The following BICC1 variants were observed in gnomAD, a reference collection of about 807,000 sequenced individuals.
BICC1 encodes the protein protein bicaudal C homolog 1.
A neutral mutation model predicts 111.0 loss-of-function variants in BICC1; 43 were observed. That is an observed-to-expected ratio of 0.39 (90% CI 0.30 to 0.50). BICC1 has a LOEUF of 0.50. Among genes scored for constraint, BICC1 ranks in the 20% least tolerant of loss-of-function variants. BICC1 has a pLI of 0.88. For synonymous variants in BICC1, 467 were observed against 434.4 expected (o/e 1.07, Z -0.93); for missense variants, 1,091 against 1,203.2 (o/e 0.91, Z 1.38).
At chr10:58,814,437 G>A (rs1447435849) in intron 18 of BICC1, 3 of 334,012 alleles carry the variant, frequency 9.0e-6, no homozygotes, top group East Asian at 6.5e-5. Flanking sequence ...TGCATGAATG[G>A]GTAATGTACA....
chr10:58,614,302 A>G (rs1845530933), intron 1 of BICC1, among the ~76,000 whole-genome samples: 1 of 152,154 alleles, frequency 6.6e-6, no homozygotes, highest in Non-Finnish European at 1.5e-5. Context: ...GGAAGGGCTA[A>G]TGATTGGGAC....
rs138127393 is a variant in BICC1 at position 58,566,531 on chromosome 10, C to T, written c.190+53198C>T. On this transcript the variant is annotated intron_variant, in intron 1 of 20. Transcript: ENST00000373886. ...CTGGGTACATACCCAATAGTAGGAT[C>T]GCTGGATCAAATGGTAGTTCTACTT... Among the ~76,000 whole-genome samples the T allele has an allele frequency of 9.7e-4, 148 of 152,214 alleles. 2 individuals are homozygous for T. In the East Asian group the frequency reaches 0.021, roughly 22 times the overall value.
chr10:58,740,148 A>G (rs1841611961), intron 3 of BICC1, among the ~76,000 whole-genome samples: 1 of 152,198 alleles, frequency 6.6e-6, no homozygotes. Flanking sequence ...ACCTGCAGGA[A>G]GTGCCTGGAG....
At chr10:58,663,657 G>T (rs1053010479) in intron 2 of BICC1, among the ~76,000 whole-genome samples, 4 of 152,152 alleles carry the variant, frequency 2.6e-5, no homozygotes, top group Admixed American at 2.0e-4. Flanking sequence ...AGGGATCTAG[G>T]TTATGCACTC....
At chr10:58,650,377 T>C (rs1321993937) in intron 2 of BICC1, 1 of 152,180 alleles carries the variant, frequency 6.6e-6, no homozygotes, top group Non-Finnish European at 1.5e-5. Flanking sequence ...ACCAGAACTT[T>C]ATGGAATCTT....
intron 1 of BICC1, among the ~76,000 whole-genome samples, chr10:58,585,203 A>G (rs1462320446): frequency 6.6e-6 from 1 of 152,080 alleles, no homozygotes; most frequent in Admixed American, 6.5e-5. Flanking sequence ...TTTATTTTGA[A>G]AAGTTGTTTA....
At chr10:58,715,589 C>A (rs1275549943) in intron 3 of BICC1, 4 of 1,602,512 alleles carry the variant, frequency 2.5e-6, no homozygotes, top group Admixed American at 1.7e-5. Context: ...CCTATATGCA[C>A]CCAATAGCAA....
chr10:58,641,882 A>G (rs902734666), intron 2 of BICC1, among the ~76,000 whole-genome samples: 1 of 152,232 alleles, frequency 6.6e-6, no homozygotes, highest in Non-Finnish European at 1.5e-5. Flanking sequence ...TGTGATTCAC[A>G]TTGTGTTGGA....
chr10:58,573,639 C>T, intron 1 of BICC1, among the ~76,000 whole-genome samples: 1 of 152,134 alleles, frequency 6.6e-6, no homozygotes, highest in East Asian at 1.9e-4. Flanking sequence ...AATTCTGCCT[C>T]ACATGCAAAC....
At chr10:58,541,004 C>A (rs1300393696) in intron 1 of BICC1, among the ~76,000 whole-genome samples, 1 of 151,996 alleles carries the variant, frequency 6.6e-6, no homozygotes, top group Non-Finnish European at 1.5e-5. Context: ...AAGTCATACA[C>A]CCTTTCATGA....
intron 11 of BICC1, 136 bp from the exon 12 acceptor site, chr10:58,798,920 C>T (rs1427679031): frequency 1.1e-5 from 7 of 644,052 alleles, no homozygotes; most frequent in Admixed American, 3.0e-5. Flanking sequence ...TAAATAGTAC[C>T]TCTGTTTACA....
intron 1 of BICC1, among the ~76,000 whole-genome samples, chr10:58,596,585 C>T (rs186123562): frequency 1.3e-4 from 20 of 151,880 alleles, no homozygotes; most frequent in African/African-American, 4.3e-4. Flanking sequence ...AGAAATAAAG[C>T]GTATTCAAAT....
At chr10:58,753,947 T>G (rs1398059671) in intron 3 of BICC1, among the ~76,000 whole-genome samples, 1 of 152,180 alleles carries the variant, frequency 6.6e-6, no homozygotes, top group Non-Finnish European at 1.5e-5. Context: ...AGATGATATC[T>G]CTGCATACTC....
At chr10:58,738,363 GT>G (rs1438080951) in intron 3 of BICC1, among the ~76,000 whole-genome samples, 2 of 151,370 alleles carry the variant, frequency 1.3e-5, no homozygotes, top group Admixed American at 1.3e-4. Flanking sequence ...CCCATTTCTT[GT>G]TTTTGTCAGA....
At chr10:58,537,823 A>C (rs1383269186) in intron 1 of BICC1, among the ~76,000 whole-genome samples, 1 of 151,848 alleles carries the variant, frequency 6.6e-6, no homozygotes, top group Admixed American at 6.6e-5. Context: ...TAGCAATGCT[A>C]TATGCACTGA....
Position 58,542,362 on chromosome 10 carries a change from T to TA in BICC1, c.190+29037dup, listed in dbSNP as rs200347659. 7.0e-4 allele frequency among the ~76,000 whole-genome samples: 106 copies of TA among 151,802 alleles called. No homozygotes were observed. The East Asian group carries it at 8.6e-3, about 12-fold the overall frequency. On this transcript the variant is annotated intron_variant, in intron 1 of 20. Transcript: ENST00000373886. ...AGAATGGTATAACCTTATACCAGAT[T>TA]AAAAAAAATTAAATGGATTAAGACC...
At chr10:58,690,982 A>G (rs1839890956) in intron 2 of BICC1, among the ~76,000 whole-genome samples, 1 of 152,200 alleles carries the variant, frequency 6.6e-6, no homozygotes, top group Non-Finnish European at 1.5e-5. Flanking sequence ...CATTTTTTAA[A>G]AAGACTTTAT....
In BICC1 at chr10:58,741,651, C is replaced by G. The variant is rs534816689; in HGVS notation, c.307+39508C>G. Reference sequence around the variant, plus strand: ...ACTCATGTTGAGAGAGGTCTTATATCTTTGCATTACAAACGGGAAACTGAG... The same window carrying G: ...ACTCATGTTGAGAGAGGTCTTATATGTTTGCATTACAAACGGGAAACTGAG... On this transcript the variant is annotated intron_variant, in intron 3 of 20. Coordinates refer to ENST00000373886, the MANE Select transcript of BICC1 (RefSeq NM_001080512.3). Among the ~76,000 whole-genome samples the G allele has an allele frequency of 7.9e-5, 12 of 152,240 alleles. No homozygotes were observed. In the South Asian group the frequency reaches 2.5e-3, roughly 32 times the overall value.
At chr10:58,735,780 C>T (rs1564582744) in intron 3 of BICC1, among the ~76,000 whole-genome samples, 1 of 152,192 alleles carries the variant, frequency 6.6e-6, no homozygotes, top group South Asian at 2.1e-4. Flanking sequence ...AAGATATTTA[C>T]TAAATTGTAA....
Sources: allele counts gnomAD v4.1 joint callset (sites outside exome capture counted in the v4.1 genomes callset), GRCh38; gene constraint gnomAD v4.1.1; transcripts MANE v1.5; gene names NCBI Gene and HGNC (gene_info 2026-07-23, HGNC 2026-07-21).